The following ASIC2 variants were observed in gnomAD, a reference collection of about 807,000 sequenced individuals.
ASIC2 encodes acid-sensing ion channel 2.
Under a neutral mutation model 57.3 loss-of-function variants are expected in ASIC2, and 25 were observed. The ratio of observed to expected loss-of-function variants is 0.44; its 90% CI spans 0.32 to 0.61. The LOEUF (loss-of-function observed/expected upper bound fraction) is 0.61, where lower values mean the gene tolerates loss of function less well. Ranked by LOEUF, ASIC2 falls within the 20% of genes least tolerant of loss-of-function variation. ASIC2 has a pLI of 0.06. For synonymous variants in ASIC2, 319 were observed against 307.5 expected, an observed-to-expected ratio of 1.04 and a Z score of -0.39; for missense variants, 641 against 738.1, an observed-to-expected ratio of 0.87 and a Z score of 1.52.
In ASIC2 at chr17:33,257,467, G is replaced by A. The variant is rs140498359; in HGVS notation, c.708+33941C>T. 1.1e-3 allele frequency among the ~76,000 whole-genome samples: 162 copies of A among 152,324 alleles called. 1 individual carries two copies. Among genetic ancestry groups the A allele is most frequent in the Non-Finnish European group, 1.0e-3 (68 of 68,034 alleles). Reference sequence around the variant, plus strand: ...TATTTCACACTTTTAGTATATAGGCGAAGTGGCTGTGGCTCAGAAAAGTGA... The same window carrying A: ...TATTTCACACTTTTAGTATATAGGCAAAGTGGCTGTGGCTCAGAAAAGTGA... On this transcript the variant is annotated intron_variant, in intron 1 of 9. Coordinates refer to ENST00000225823, the MANE Select transcript of ASIC2 (RefSeq NM_183377.2).
chr17:33,867,492 T>C (rs1914273222), intron 1 of ASIC2, among the ~76,000 whole-genome samples: 1 of 152,212 alleles, frequency 6.6e-6, no homozygotes, highest in Non-Finnish European at 1.5e-5. Flanking sequence ...AACAATCATC[T>C]CCATCCAATT....
At chr17:33,797,570 T>C (rs964321390) in intron 1 of ASIC2, among the ~76,000 whole-genome samples, 2 of 152,214 alleles carry the variant, frequency 1.3e-5, no homozygotes, top group South Asian at 2.1e-4. Flanking sequence ...TAAATAAATA[T>C]GCATGTTGAT....
At chr17:33,786,884 G>GAA in intron 1 of ASIC2, among the ~76,000 whole-genome samples, 1 of 152,134 alleles carries the variant, frequency 6.6e-6, no homozygotes, top group South Asian at 2.1e-4. Context: ...AGAAGGGTGA[G>GAA]CTGCAGTACA....
chr17:33,367,788 T>C (rs908256397), intron 1 of ASIC2, among the ~76,000 whole-genome samples: 4 of 152,220 alleles, frequency 2.6e-5, no homozygotes, highest in African/African-American at 7.2e-5. Flanking sequence ...CTAGCTGAGA[T>C]AGAAGAGTGC....
chr17:34,024,827 G>A (rs1399584406), intron 1 of ASIC2, among the ~76,000 whole-genome samples: 2 of 152,264 alleles, frequency 1.3e-5, no homozygotes, highest in African/African-American at 2.4e-5. Flanking sequence ...GATAGGACAG[G>A]GTTTACTTGA....
intron 1 of ASIC2, among the ~76,000 whole-genome samples, chr17:33,914,562 G>A (rs1166707490): frequency 3.3e-5 from 5 of 152,186 alleles, no homozygotes; most frequent in Admixed American, 3.3e-4. Context: ...GGTGTCTTCT[G>A]ATGGGGAAGC....
At chr17:33,729,639 C>T (rs896954501) in intron 1 of ASIC2, among the ~76,000 whole-genome samples, 1 of 152,166 alleles carries the variant, frequency 6.6e-6, no homozygotes, top group Non-Finnish European at 1.5e-5. Flanking sequence ...GTGATCTGGG[C>T]AAATTCCTTA....
chr17:33,506,190 T>A (rs1350690403), intron 1 of ASIC2, among the ~76,000 whole-genome samples: 1 of 144,256 alleles, frequency 6.9e-6, no homozygotes, highest in Non-Finnish European at 1.5e-5. Flanking sequence ...GTCAGGAGAT[T>A]GAGACCATCC....
intron 1 of ASIC2, among the ~76,000 whole-genome samples, chr17:33,257,065 C>A (rs1909108616): frequency 6.6e-6 from 1 of 152,174 alleles, no homozygotes; most frequent in East Asian, 1.9e-4. Context: ...AAATGTGCTA[C>A]CTCCCATCCC....
At chr17:33,562,285 T>C (rs565306338) in intron 1 of ASIC2, among the ~76,000 whole-genome samples, 9 of 152,318 alleles carry the variant, frequency 5.9e-5, no homozygotes, top group African/African-American at 2.2e-4. Flanking sequence ...AGTAGAAGCT[T>C]CTTGGTTCCA....
In ASIC2 at chr17:33,032,440, G is replaced by GTTTTTT. The variant is rs60183644; in HGVS notation, c.988-4054_988-4049dup. Among the ~76,000 whole-genome samples the GTTTTTT allele has an allele frequency of 3.1e-3, 294 of 94,098 alleles. 64 individuals are homozygous for GTTTTTT. The highest frequency in any genetic ancestry group is 4.7e-3 in the Non-Finnish European group (229 of 48,868). 61.7% of individuals were successfully genotyped at this position (94,098 alleles called of 152,430 possible). Reference sequence around the variant, plus strand: ...TCTGTTATAAGCACTATAATACACTGTTTTTTTTTTTTTTTTTTTTTTTTT... The same window carrying GTTTTTT: ...TCTGTTATAAGCACTATAATACACTGTTTTTTTTTTTTTTTTTTTTTTTTTTTTTTT... On this transcript the variant is annotated intron_variant, in intron 3 of 9. Coordinates refer to ENST00000225823, the MANE Select transcript of ASIC2 (RefSeq NM_183377.2).
intron 1 of ASIC2, among the ~76,000 whole-genome samples, chr17:34,150,921 T>C (rs1470585744): frequency 1.3e-5 from 2 of 152,044 alleles, no homozygotes; most frequent in Non-Finnish European, 2.9e-5. Context: ...GAGACCGGCC[T>C]GGCCAATCTG....
chr17:33,153,422 C>T (rs989674735), intron 1 of ASIC2, among the ~76,000 whole-genome samples: 1 of 152,160 alleles, frequency 6.6e-6, no homozygotes, highest in African/African-American at 2.4e-5. Flanking sequence ...TCAAGAGTTA[C>T]ATGAGGAAGT....
chr17:33,625,954 G>T lies in ASIC2; in HGVS notation c.556-513887C>A, dbSNP rs540355116. On this transcript the variant is annotated intron_variant, in intron 1 of 9. Coordinates refer to the ASIC2 transcript ENST00000359872. Reference sequence around the variant, plus strand: ...CCAACCTCCTCTTAGATCAGGCATTGGTAGGAATTCCAGGGCAGGCATATA... The same window carrying T: ...CCAACCTCCTCTTAGATCAGGCATTTGTAGGAATTCCAGGGCAGGCATATA... Among the ~76,000 whole-genome samples, 13 of 152,338 alleles carry T rather than the reference G, an allele frequency of 8.5e-5. No homozygotes were observed. In the South Asian group the frequency reaches 1.4e-3, roughly 17 times the overall value.
At chr17:33,641,868 A>G (rs1382173919) in intron 1 of ASIC2, among the ~76,000 whole-genome samples, 1 of 152,248 alleles carries the variant, frequency 6.6e-6, no homozygotes, top group Non-Finnish European at 1.5e-5. Context: ...CTTCATCTGC[A>G]TAATGGGCAT....
At chr17:34,095,865 A>G (rs756648342) in intron 1 of ASIC2, among the ~76,000 whole-genome samples, 2 of 151,414 alleles carry the variant, frequency 1.3e-5, no homozygotes, top group Non-Finnish European at 2.9e-5. Flanking sequence ...ATATTTTATA[A>G]ACACCTACTA....
At chr17:33,858,953 G>T (rs1036212208) in intron 1 of ASIC2, among the ~76,000 whole-genome samples, 18 of 152,208 alleles carry the variant, frequency 1.2e-4, no homozygotes, top group Non-Finnish European at 2.4e-4. Context: ...GTCCCTTCAA[G>T]ATTTGATATT....
intron 1 of ASIC2, among the ~76,000 whole-genome samples, chr17:34,074,361 CAGGCACCG>C (rs1909541639): frequency 6.6e-6 from 1 of 152,136 alleles, no homozygotes; most frequent in Non-Finnish European, 1.5e-5. Flanking sequence ...TTAACAAATA[CAGGCACCG>C]AGGCTCTGAC....
At chr17:34,114,688 G>A (rs904236983) in intron 1 of ASIC2, among the ~76,000 whole-genome samples, 2 of 152,120 alleles carry the variant, frequency 1.3e-5, no homozygotes, top group African/African-American at 4.8e-5. Flanking sequence ...AACAGTGAGG[G>A]TTAAGTGTTA....
Sources: gnomAD v4.1 joint callset for allele counts (sites outside exome capture counted in the v4.1 genomes callset) on GRCh38, gnomAD v4.1.1 for gene constraint, MANE v1.5 for transcripts, NCBI Gene and HGNC (gene_info 2026-07-23, HGNC 2026-07-21) for gene names.